The following IL1RAPL2 variants were observed in gnomAD, a reference collection of about 807,000 sequenced individuals.
The protein encoded by IL1RAPL2 is interleukin 1 receptor accessory protein like 2.
Under a neutral mutation model 44.1 loss-of-function variants are expected in IL1RAPL2, and 3 were observed. The ratio of observed to expected loss-of-function variants is 0.07; its 90% CI spans 0.03 to 0.18. The LOEUF (loss-of-function observed/expected upper bound fraction) is 0.18. Among genes scored for constraint, IL1RAPL2 ranks in the 10% least tolerant of loss-of-function variants. The pLI, the probability that IL1RAPL2 is intolerant of heterozygous loss-of-function variation, is 1.00. For synonymous variants in IL1RAPL2, 181 were observed against 178.8 expected (o/e 1.01, Z -0.10); for missense variants, 391 against 496.4 (o/e 0.79, Z 2.02).
At chrX:105,263,512 A>C (rs1159345995) in intron 4 of IL1RAPL2, among the ~76,000 whole-genome samples, 1 of 111,936 alleles carries the variant, frequency 8.9e-6, no homozygotes, top group Non-Finnish European at 1.9e-5. Flanking sequence ...GAAGTAGACT[A>C]TGAATACAGT....
At chrX:104,754,992 G>A (rs1932318713) in intron 2 of IL1RAPL2, among the ~76,000 whole-genome samples, 1 of 111,596 alleles carries the variant, frequency 9.0e-6, no homozygotes, top group Non-Finnish European at 1.9e-5. Flanking sequence ...CAGCCTGAGT[G>A]ATCACAAGGG....
At chrX:104,939,163 C>T (rs1925099857) in intron 2 of IL1RAPL2, among the ~76,000 whole-genome samples, 1 of 107,073 alleles carries the variant, frequency 9.3e-6, no homozygotes. Context: ...TTCAAGCAAT[C>T]CTCCTGCCTC....
chrX:105,101,564 T>C (rs1446959922), intron 2 of IL1RAPL2, among the ~76,000 whole-genome samples: 3 of 111,854 alleles, frequency 2.7e-5, no homozygotes, highest in Non-Finnish European at 3.8e-5. Flanking sequence ...GTTGCAAATG[T>C]AATGATCTTA....
chrX:104,846,609 G>A (rs1362128665), intron 2 of IL1RAPL2, among the ~76,000 whole-genome samples: 6 of 111,808 alleles, frequency 5.4e-5, no homozygotes, highest in African/African-American at 6.5e-5. Flanking sequence ...ATGGACATTC[G>A]GGTTGGTTCC....
intron 5 of IL1RAPL2, among the ~76,000 whole-genome samples, chrX:105,379,589 C>T (rs755082292): frequency 9.0e-5 from 10 of 111,227 alleles, no homozygotes; most frequent in Non-Finnish European, 1.3e-4. Context: ...AGAGCATGGC[C>T]GAATATGCTC....
chrX:105,673,289 A>G (rs999049030), intron 6 of IL1RAPL2, among the ~76,000 whole-genome samples: 1 of 110,848 alleles, frequency 9.0e-6, no homozygotes, highest in Non-Finnish European at 1.9e-5. Context: ...CCCAGCATGC[A>G]TTAGCTATTT....
chrX:104,800,365 T>TAA (rs201498156), intron 2 of IL1RAPL2, among the ~76,000 whole-genome samples: 1 of 107,562 alleles, frequency 9.3e-6, no homozygotes, highest in Admixed American at 1.0e-4. Context: ...GCCAGGTATT[T>TAA]AAAAAAAAAA....
intron 2 of IL1RAPL2, among the ~76,000 whole-genome samples, chrX:104,913,543 C>T (rs761221686): frequency 3.6e-5 from 4 of 111,766 alleles, no homozygotes; most frequent in Non-Finnish European, 5.6e-5. Flanking sequence ...TGATTAAGTG[C>T]ATTTCATTTG....
At chrX:105,019,185 C>A (rs1374677161) in intron 2 of IL1RAPL2, among the ~76,000 whole-genome samples, 1 of 111,737 alleles carries the variant, frequency 8.9e-6, no homozygotes, top group Non-Finnish European at 1.9e-5. Context: ...AATTGAGTAG[C>A]CTGGGAGAAT....
intron 2 of IL1RAPL2, among the ~76,000 whole-genome samples, chrX:105,076,068 T>G (rs1428638848): frequency 9.0e-6 from 1 of 111,649 alleles, no homozygotes; most frequent in Non-Finnish European, 1.9e-5. Flanking sequence ...TTTTAGTTAT[T>G]TCTTGCCTTC....
intron 6 of IL1RAPL2, among the ~76,000 whole-genome samples, chrX:105,640,049 C>T (rs370920566): frequency 2.7e-5 from 3 of 110,443 alleles, no homozygotes; most frequent in East Asian, 5.7e-4. Context: ...CTCTACCTAT[C>T]TGCATATCTA....
chrX:105,099,761 C>T (rs776694359), intron 2 of IL1RAPL2, among the ~76,000 whole-genome samples: 2 of 110,082 alleles, frequency 1.8e-5, no homozygotes, highest in East Asian at 2.9e-4. Context: ...CCACCGCGCC[C>T]GGCCGCCACA....
chrX:105,407,634 C>CTTTTTTTTTTTTTT (rs2147738781), intron 5 of IL1RAPL2, among the ~76,000 whole-genome samples: 1 of 111,389 alleles, frequency 9.0e-6, no homozygotes, highest in Non-Finnish European at 1.9e-5. Flanking sequence ...ATAATGTTTA[C>CTTTTTTTTTTTTTT]TTTTTAGGTT....
chrX:104,893,496 G>C (rs1468561911), intron 2 of IL1RAPL2, among the ~76,000 whole-genome samples: 1 of 111,654 alleles, frequency 9.0e-6, no homozygotes, highest in Non-Finnish European at 1.9e-5. Context: ...ATATATTTAG[G>C]ATAGTTAGCT....
chrX:104,640,636 T>C (rs1476269245), intron 1 of IL1RAPL2, among the ~76,000 whole-genome samples: 1 of 112,222 alleles, frequency 8.9e-6, no homozygotes, highest in East Asian at 2.8e-4. Flanking sequence ...TCTTTTTGAA[T>C]TTGCTTTCAT....
intron 6 of IL1RAPL2, among the ~76,000 whole-genome samples, chrX:105,575,756 T>G (rs1420128015): frequency 2.7e-5 from 3 of 112,527 alleles, no homozygotes; most frequent in African/African-American, 9.7e-5. Context: ...TACATTGTTT[T>G]CCACAATGAC....
At chrX:105,704,361 A>G (rs1484471124) in intron 6 of IL1RAPL2, among the ~76,000 whole-genome samples, 3 of 111,537 alleles carry the variant, frequency 2.7e-5, no homozygotes, top group Non-Finnish European at 5.7e-5. Context: ...CTCAACTAAG[A>G]TATCTGCGTA....
intron 2 of IL1RAPL2, among the ~76,000 whole-genome samples, chrX:105,061,384 C>G (rs947835614): frequency 1.8e-5 from 2 of 111,737 alleles, no homozygotes; most frequent in Non-Finnish European, 3.8e-5. Flanking sequence ...TTGTTCTATT[C>G]CCTTATAGTC....
At chrX:104,606,028 T>G (rs776229292) in intron 1 of IL1RAPL2, among the ~76,000 whole-genome samples, 1 of 111,626 alleles carries the variant, frequency 9.0e-6, no homozygotes, top group African/African-American at 3.3e-5. Context: ...AAAAGAAAAT[T>G]TCAGGCCAAT....
Sources: gnomAD v4.1 joint callset for allele counts (sites outside exome capture counted in the v4.1 genomes callset) on GRCh38, gnomAD v4.1.1 for gene constraint, MANE v1.5 for transcripts, NCBI Gene and HGNC (gene_info 2026-07-23, HGNC 2026-07-21) for gene names.